FBXO4: variants seen among roughly 807,000 people sequenced by gnomAD.
FBXO4 encodes the protein F-box protein 4.
FBXO4 carries 36 observed loss-of-function variants against 43.7 expected under a neutral mutation model. That is an observed-to-expected ratio of 0.82 (90% CI 0.63 to 1.09). The LOEUF is 1.09. Ranked by LOEUF, FBXO4 falls within the 50% of genes least tolerant of loss-of-function variation. FBXO4 has a pLI of 0.00. For missense variants in FBXO4, 435 were observed against 474.1 expected (o/e 0.92, Z 0.77); for synonymous variants, 180 against 165.6 (o/e 1.09, Z -0.67).
chr5:42,013,900 C>A, the FBXO4 span, among the ~76,000 whole-genome samples: 3 of 152,082 alleles, frequency 2.0e-5, no homozygotes, highest in African/African-American at 7.2e-5. Context: ...ACTCAGCTGC[C>A]GAGAGGAGAC....
chr5:41,934,369 C>A (rs1307905066), intron 5 of FBXO4, 61 bp downstream of exon 5: 1 of 1,603,224 alleles, frequency 6.2e-7, no homozygotes. Context: ...TGGAAAATAC[C>A]TTTTTAGACT....
chr5:41,925,320 G>A lies in FBXO4; in HGVS notation c.11G>A (p.Ser4Asn), dbSNP rs1469993421. Residue 4 changes from serine (S) to asparagine (N), a missense_variant, in exon 1 of 7, where the codon AGC (serine) becomes AAC (asparagine). Ser to Asn is a conservative substitution (Grantham distance 46). Transcript: ENST00000281623. ...CGCTGCGGGCAAGCCATGGCGGGAAGCGAGCCGCGCAGCGGAACAAACTCG... is the reference window on the plus strand; with the variant it reads ...CGCTGCGGGCAAGCCATGGCGGGAAACGAGCCGCGCAGCGGAACAAACTCG... MAG[S>N]EPRSGTNSPP... 8.2e-6 allele frequency: 11 copies of A among 1,342,660 alleles called. No individual in the cohort carries two copies. In the African/African-American group the frequency reaches 1.1e-4, roughly 13 times the overall value. 83.2% of individuals were successfully genotyped at this position (1,342,660 alleles called of 1,614,324 possible). A position where few individuals can be genotyped will look rare whatever the true frequency, so the allele number is the denominator to read the frequency against.
At chr5:41,997,659 C>G in the FBXO4 span, among the ~76,000 whole-genome samples, 1 of 152,114 alleles carries the variant, frequency 6.6e-6, no homozygotes, top group Non-Finnish European at 1.5e-5. Flanking sequence ...CCATAAGCAC[C>G]TACTTTAACT....
the FBXO4 span, among the ~76,000 whole-genome samples, chr5:42,029,187 C>T: frequency 8.5e-5 from 13 of 152,120 alleles, no homozygotes; most frequent in East Asian, 1.7e-3. Flanking sequence ...TTCTCCTTCA[C>T]ATTTGAAGAA....
chr5:42,019,232 A>G, the FBXO4 span, among the ~76,000 whole-genome samples: 1 of 152,204 alleles, frequency 6.6e-6, no homozygotes, highest in African/African-American at 2.4e-5. Context: ...TAAATATAAA[A>G]TACATACTGA....
At chr5:41,962,823 T>G in the FBXO4 span, among the ~76,000 whole-genome samples, 1 of 152,204 alleles carries the variant, frequency 6.6e-6, no homozygotes, top group Non-Finnish European at 1.5e-5. Context: ...CTCCAAATCA[T>G]CATGCCATCC....
At chr5:41,946,805 AAT>A in the FBXO4 span, among the ~76,000 whole-genome samples, 1 of 152,216 alleles carries the variant, frequency 6.6e-6, no homozygotes, top group South Asian at 2.1e-4. Context: ...CAGAAGGTTC[AAT>A]AGAAGACCCC....
At chr5:42,036,130 G>A in the FBXO4 span, among the ~76,000 whole-genome samples, 1 of 152,038 alleles carries the variant, frequency 6.6e-6, no homozygotes, top group Admixed American at 6.6e-5. Context: ...AGAACCACTG[G>A]GGTAGAAATT....
chr5:41,967,438 T>C, the FBXO4 span: 2 of 574,792 alleles, frequency 3.5e-6, no homozygotes, highest in Middle Eastern at 5.9e-4. Context: ...CTGCAACAGA[T>C]ATTACAATAT....
At chr5:42,011,522 C>A in the FBXO4 span, among the ~76,000 whole-genome samples, 1 of 152,180 alleles carries the variant, frequency 6.6e-6, no homozygotes, top group Non-Finnish European at 1.5e-5. Context: ...TATAGCAACA[C>A]CAAACAGACT....
chr5:41,946,866 A>G, the FBXO4 span, among the ~76,000 whole-genome samples: 1 of 152,224 alleles, frequency 6.6e-6, no homozygotes, highest in Non-Finnish European at 1.5e-5. Flanking sequence ...TTGAAATGCA[A>G]TGGTACAAAA....
chr5:41,928,532 CA>C (rs1304696739), intron 2 of FBXO4: 1 of 153,044 alleles, frequency 6.5e-6, no homozygotes. Flanking sequence ...GACGGGGTTT[CA>C]CCGTGTTACC....
chr5:41,949,893 C>T, the FBXO4 span, among the ~76,000 whole-genome samples: 3 of 151,902 alleles, frequency 2.0e-5, no homozygotes, highest in South Asian at 2.1e-4. Context: ...CAGAACAGAG[C>T]CCTCAGAAAT....
chr5:41,993,467 A>G, the FBXO4 span, among the ~76,000 whole-genome samples: 1 of 151,972 alleles, frequency 6.6e-6, no homozygotes, highest in Non-Finnish European at 1.5e-5. Context: ...AAGAAAACTT[A>G]TGATCAACTT....
At chr5:41,989,665 T>C in the FBXO4 span, among the ~76,000 whole-genome samples, 1 of 152,180 alleles carries the variant, frequency 6.6e-6, no homozygotes, top group Admixed American at 6.5e-5. Context: ...TTCTTTATTA[T>C]ATTTGTCGAA....
chr5:41,976,232 A>G, the FBXO4 span, among the ~76,000 whole-genome samples: 2 of 152,164 alleles, frequency 1.3e-5, no homozygotes, highest in African/African-American at 4.8e-5. Context: ...TCATCCCCTG[A>G]CCCACCAAAT....
chr5:42,016,844 A>T, the FBXO4 span, among the ~76,000 whole-genome samples: 1 of 152,080 alleles, frequency 6.6e-6, no homozygotes, highest in Admixed American at 6.6e-5. Context: ...TTTCAATTTT[A>T]TCCACCAGTG....
At chr5:41,935,709 GGAATGAGAAAACTGA>G (rs1217338111) in intron 5 of FBXO4, among the ~76,000 whole-genome samples, 4 of 152,218 alleles carry the variant, frequency 2.6e-5, no homozygotes, top group African/African-American at 9.6e-5. Flanking sequence ...GCCTGAGGCT[GGAATGAGAAAACTGA>G]GAAATCTCCA....
the FBXO4 span, among the ~76,000 whole-genome samples, chr5:41,995,286 G>T: frequency 1.3e-5 from 2 of 152,182 alleles, no homozygotes; most frequent in African/African-American, 2.4e-5. Context: ...TGCAGGATAG[G>T]CAAACCCATC....
Sources: gnomAD v4.1 joint callset for allele counts (sites outside exome capture counted in the v4.1 genomes callset) on GRCh38, gnomAD v4.1.1 for gene constraint, MANE v1.5 for transcripts, NCBI Gene and HGNC (gene_info 2026-07-23, HGNC 2026-07-21) for gene names.